Variants in PRICKLE1 observed in about 807,000 individuals in gnomAD.
PRICKLE1 encodes the protein prickle-like protein 1.
In PRICKLE1, 14 loss-of-function variants were observed where a neutral mutation model predicts 70.2. The ratio of observed to expected loss-of-function variants is 0.20; its 90% CI spans 0.13 to 0.31. The LOEUF (loss-of-function observed/expected upper bound fraction) is 0.31. Among genes scored for constraint, PRICKLE1 ranks in the 10% least tolerant of loss-of-function variants. The probability of loss-of-function intolerance (pLI) is 1.00; values close to 1 mark genes in which losing one functional copy is unlikely to be tolerated. For synonymous variants in PRICKLE1, 357 were observed against 379.9 expected, an observed-to-expected ratio of 0.94 and a Z score of 0.70; for missense variants, 821 against 1,026.2, an observed-to-expected ratio of 0.80 and a Z score of 2.73.
chr12:42,501,065 G>A (rs901138334), intron 1 of PRICKLE1, among the ~76,000 whole-genome samples: 8 of 152,102 alleles, frequency 5.3e-5, no homozygotes, highest in Non-Finnish European at 1.2e-4. Flanking sequence ...TGGTGGGAGC[G>A]ATTTAATGAA....
intron 1 of PRICKLE1, among the ~76,000 whole-genome samples, chr12:42,540,088 T>C (rs1940085523): frequency 6.6e-6 from 1 of 152,232 alleles, no homozygotes. Flanking sequence ...TTGTTTAAGA[T>C]GGTGTTTTTC....
chr12:42,555,240 G>A (rs780403767), intron 1 of PRICKLE1, among the ~76,000 whole-genome samples: 1 of 152,156 alleles, frequency 6.6e-6, no homozygotes, highest in Non-Finnish European at 1.5e-5. Flanking sequence ...GGAGGCAGAG[G>A]TTGTAGTGAG....
At chr12:42,465,469 G>T in intron 6 of PRICKLE1, 1 of 584,452 alleles carries the variant, frequency 1.7e-6, no homozygotes, top group South Asian at 2.1e-5. Flanking sequence ...ACTAATATTC[G>T]CAACAGTTTC....
intron 1 of PRICKLE1, among the ~76,000 whole-genome samples, chr12:42,579,608 T>C (rs1052229301): frequency 6.6e-6 from 1 of 152,154 alleles, no homozygotes; most frequent in African/African-American, 2.4e-5. Flanking sequence ...TCTGAGACCC[T>C]GATGATTTGA....
chr12:42,471,346 T>G (rs1210560668), intron 2 of PRICKLE1, among the ~76,000 whole-genome samples: 1 of 151,760 alleles, frequency 6.6e-6, no homozygotes, highest in Non-Finnish European at 1.5e-5. Context: ...TGAGAAGGAA[T>G]AAAAGAAAAA....
intron 1 of PRICKLE1, among the ~76,000 whole-genome samples, chr12:42,500,735 T>C (rs1197193446): frequency 6.6e-6 from 1 of 152,114 alleles, no homozygotes; most frequent in East Asian, 1.9e-4. Flanking sequence ...ATATTCTTTC[T>C]AGCAGCATAT....
chr12:42,499,162 AT>A (rs1295054442), intron 1 of PRICKLE1, among the ~76,000 whole-genome samples: 1 of 144,926 alleles, frequency 6.9e-6, no homozygotes, highest in African/African-American at 2.7e-5. Context: ...AATCATGTAC[AT>A]TTAAAAAAAA....
chr12:42,577,673 A>G (rs1328873557), intron 1 of PRICKLE1, among the ~76,000 whole-genome samples: 1 of 152,238 alleles, frequency 6.6e-6, no homozygotes, highest in Non-Finnish European at 1.5e-5. Context: ...AACTGAGGAA[A>G]CTGAGGCACA....
intron 1 of PRICKLE1, among the ~76,000 whole-genome samples, chr12:42,556,164 G>A (rs972653423): frequency 8.5e-5 from 13 of 152,130 alleles, no homozygotes; most frequent in African/African-American, 1.7e-4. Flanking sequence ...CTGAATGAGC[G>A]TCTCTGGCCT....
intron 1 of PRICKLE1, among the ~76,000 whole-genome samples, chr12:42,560,806 AC>A (rs1940500458): frequency 6.6e-6 from 1 of 151,014 alleles, no homozygotes; most frequent in Admixed American, 6.6e-5. Context: ...ACACACACAC[AC>A]ACACACACAC....
intron 2 of PRICKLE1, among the ~76,000 whole-genome samples, chr12:42,470,924 A>C (rs926517183): frequency 2.6e-5 from 4 of 151,080 alleles, no homozygotes; most frequent in Non-Finnish European, 4.4e-5. Context: ...AAAAAAGACT[A>C]CTCCTCCTCA....
At chr12:42,492,073 C>T (rs537550396) in intron 1 of PRICKLE1, among the ~76,000 whole-genome samples, 10 of 151,334 alleles carry the variant, frequency 6.6e-5, no homozygotes, top group East Asian at 1.9e-4. Flanking sequence ...CGTGACCCAC[C>T]GCGCCTGGCC....
chr12:42,553,443 C>CAA (rs11432974), intron 1 of PRICKLE1, among the ~76,000 whole-genome samples: 88 of 139,056 alleles, frequency 6.3e-4, no homozygotes, highest in Non-Finnish European at 1.0e-3. Context: ...GACTCCGTCT[C>CAA]AAAAAAAAAA....
intron 1 of PRICKLE1, among the ~76,000 whole-genome samples, chr12:42,487,402 C>T (rs2140166614): frequency 6.6e-6 from 1 of 152,290 alleles, no homozygotes; most frequent in East Asian, 1.9e-4. Context: ...TCCAATTACT[C>T]TTTCCCCTTT....
At chr12:42,469,704 A>C in intron 3 of PRICKLE1, 117 bp from the exon 4 acceptor site, 1 of 1,311,880 alleles carries the variant, frequency 7.6e-7, no homozygotes, top group Non-Finnish European at 1.1e-6. Flanking sequence ...CGCCTGTGTC[A>C]CACCCCCACG....
At position 42,475,960 on chromosome 12, in the gene PRICKLE1, C is replaced by T. The variant is rs534627914; in HGVS notation, c.-48-3396G>A. Among the ~76,000 whole-genome samples the T allele has an allele frequency of 5.9e-5, 9 of 151,346 alleles. No individual in the cohort carries two copies. In the East Asian group the frequency reaches 1.2e-3, roughly 20 times the overall value. On this transcript the variant is annotated intron_variant, in intron 1 of 7. Transcript: ENST00000345127. ...ACTAAAAATATAAAAGTCAGCTGGG[C>T]GTGGTGGTATGTCCCTGTAATATCA...
At chr12:42,541,615 G>A (rs1940118163) in intron 1 of PRICKLE1, among the ~76,000 whole-genome samples, 1 of 152,140 alleles carries the variant, frequency 6.6e-6, no homozygotes, top group Non-Finnish European at 1.5e-5. Context: ...TGGGATTACA[G>A]GCATGAGTCA....
rs559889849 is a variant in PRICKLE1, at chr12:42,535,562, G to A, written c.-49+53903C>T. Among the ~76,000 whole-genome samples the A allele has an allele frequency of 7.2e-5, 11 of 152,296 alleles. 1 individual carries two copies. In the South Asian group the frequency reaches 1.5e-3, roughly 20 times the overall value. On this transcript the variant is annotated intron_variant, in intron 1 of 7. Coordinates refer to ENST00000345127, the MANE Select transcript of PRICKLE1 (RefSeq NM_153026.3). Reference sequence around the variant, plus strand: ...GAGAAAATTGTTTGAGAATCCCAGTGGTTAGAATGAGTTTGCTCTTCCTTA... The same window carrying A: ...GAGAAAATTGTTTGAGAATCCCAGTAGTTAGAATGAGTTTGCTCTTCCTTA...
chr12:42,481,071 A>C (rs1938775523), intron 1 of PRICKLE1, among the ~76,000 whole-genome samples: 1 of 152,230 alleles, frequency 6.6e-6, no homozygotes, highest in Non-Finnish European at 1.5e-5. Context: ...ATTGGGCCAA[A>C]GACAGTTTTG....
Sources: allele counts gnomAD v4.1 joint callset (sites outside exome capture counted in the v4.1 genomes callset), GRCh38; gene constraint gnomAD v4.1.1; transcripts MANE v1.5; gene names NCBI Gene and HGNC (gene_info 2026-07-23, HGNC 2026-07-21).